PPP1R37: variants seen among roughly 807,000 people sequenced by gnomAD.
PPP1R37 encodes the protein protein phosphatase 1 regulatory subunit 37.
PPP1R37 carries 21 observed loss-of-function variants against 61.0 expected under a neutral mutation model. The observed-to-expected ratio is 0.34, with a 90% CI of 0.24 to 0.50. The LOEUF is 0.50. PPP1R37 is among the 20% of genes least tolerant of loss of function. The pLI is 0.98. For missense variants in PPP1R37, 910 were observed against 952.7 expected (o/e 0.96, Z 0.59); for synonymous variants, 443 against 433.5 (o/e 1.02, Z -0.27).
At chr19:45,123,959 G>T (rs1202686556) in intron 1 of PPP1R37, among the ~76,000 whole-genome samples, 1 of 152,012 alleles carries the variant, frequency 6.6e-6, no homozygotes, top group African/African-American at 2.4e-5. Context: ...GTGGCCAGAT[G>T]TGAGCTTCTC....
At chr19:45,103,257 A>C (rs1487316258) in intron 1 of PPP1R37, among the ~76,000 whole-genome samples, 1 of 152,100 alleles carries the variant, frequency 6.6e-6, no homozygotes, top group Non-Finnish European at 1.5e-5. Context: ...GTGGGGGTGG[A>C]GGTTTGGAAG....
chr19:45,128,554 C>A (rs564282261), intron 1 of PPP1R37: 10 of 1,233,730 alleles, frequency 8.1e-6, no homozygotes, highest in Admixed American at 1.8e-5. Context: ...GAGCTGGAAT[C>A]GAAGCCTCTT....
At chr19:45,134,502 A>G (rs1968515017) in intron 1 of PPP1R37, among the ~76,000 whole-genome samples, 1 of 150,260 alleles carries the variant, frequency 6.7e-6, no homozygotes, top group Non-Finnish European at 1.5e-5. Flanking sequence ...ATTTGAATAC[A>G]TTTGGCCTCA....
chr19:45,111,297 CAG>C (rs1206399386), intron 1 of PPP1R37, among the ~76,000 whole-genome samples: 4 of 151,632 alleles, frequency 2.6e-5, no homozygotes, highest in Non-Finnish European at 5.9e-5. Flanking sequence ...TTAATTGAGA[CAG>C]AGTCTTACTC....
chr19:45,132,298 T>TA (rs761434766), intron 1 of PPP1R37, among the ~76,000 whole-genome samples: 3 of 152,026 alleles, frequency 2.0e-5, no homozygotes, highest in African/African-American at 4.8e-5. Flanking sequence ...AAGGAGCAGT[T>TA]ACGTATTTTT....
intron 1 of PPP1R37, among the ~76,000 whole-genome samples, chr19:45,112,410 C>T (rs1409275466): frequency 7.5e-6 from 1 of 133,464 alleles, no homozygotes; most frequent in Non-Finnish European, 1.7e-5. Context: ...CATTTGGCTT[C>T]TCAAGGTAAT....
At chr19:45,132,227 A>G (rs1185546986) in intron 1 of PPP1R37, among the ~76,000 whole-genome samples, 1 of 152,080 alleles carries the variant, frequency 6.6e-6, no homozygotes, top group Non-Finnish European at 1.5e-5. Context: ...CCACCCCCAC[A>G]TACTTGTGTG....
rs983865654 is a variant in PPP1R37, at chr19:45,145,413, C to T, written c.1357C>T (p.Arg453Cys). 21 of 1,535,298 alleles carry T rather than the reference C, an allele frequency of 1.4e-5. 1 individual carries two copies. The highest frequency in any genetic ancestry group is 4.9e-5 in the East Asian group (2 of 40,900). ...LLAEIQNGCK[R>C]NLVLAREREE... is the part of the protein sequence containing the mutation. ...GGCCGAGATCCAGAACGGCTGCAAG[C>T]GCAACTTGGTGCTGGCGCGGGAGAG... The change falls in exon 11 of 13, where the codon CGC becomes TGC. Residue 453 changes from arginine to cysteine, a missense_variant. This residue lies in a region of PPP1R37 where 549 missense variants were observed against 505.1 expected (regional missense o/e 1.09). Coordinates refer to ENST00000221462, the MANE Select transcript of PPP1R37 (RefSeq NM_019121.2).
At chr19:45,120,646 G>T (rs1968330619) in intron 1 of PPP1R37, among the ~76,000 whole-genome samples, 1 of 151,698 alleles carries the variant, frequency 6.6e-6, no homozygotes, top group African/African-American at 2.4e-5. Context: ...ACTTTTTTTT[G>T]AGATGGAGTC....
chr19:45,097,269 A>T (rs992775308), intron 1 of PPP1R37, among the ~76,000 whole-genome samples: 1 of 151,798 alleles, frequency 6.6e-6, no homozygotes, highest in Non-Finnish European at 1.5e-5. Flanking sequence ...CTGTGGATCT[A>T]GTGGAAGGGT....
Position 45,093,371 on chromosome 19 carries a change from G to A in PPP1R37, c.46G>A (p.Gly16Ser). ...QEAPPVPGAD[G>S]DIEEAPAEAG... ...GGCGCCGCCCGTGCCGGGCGCGGACGGCGACATTGAAGAGGCCCCAGCTGA... is the reference window on the plus strand; with the variant it reads ...GGCGCCGCCCGTGCCGGGCGCGGACAGCGACATTGAAGAGGCCCCAGCTGA... Residue 16 changes from glycine to serine, a missense_variant, in exon 1 of 13, where the codon GGC (glycine) becomes AGC (serine). Gly to Ser is a moderately conservative substitution (Grantham distance 56). Around this residue, in one of 3 missense-constraint regions of PPP1R37, gnomAD observed 81 missense variants for 65.4 expected, o/e 1.24. Coordinates refer to ENST00000221462, the MANE Select transcript of PPP1R37 (RefSeq NM_019121.2). 6.6e-7 allele frequency: 1 copy of A among 1,512,618 alleles called. No homozygotes were observed. Among genetic ancestry groups the A allele is most frequent in the Non-Finnish European group, 8.8e-7 (1 of 1,133,474 alleles). The allele number at this position is 1,512,618 out of a possible 1,614,324, so 93.7% of individuals were successfully genotyped here.
At chr19:45,093,816 G>A (rs1967956273) in intron 1 of PPP1R37, among the ~76,000 whole-genome samples, 3 of 152,240 alleles carry the variant, frequency 2.0e-5, no homozygotes, top group Admixed American at 2.0e-4. Flanking sequence ...TTTGTCAGAT[G>A]TAGAGTGTGG....
rs1164965321 is a variant in PPP1R37, at chr19:45,140,266, T to C, written c.331T>C (p.Cys111Arg). ...CACAGACCTCGGGCACCGCCTCGAC[T>C]GTCTGGACCTGAAAGGTGTGTGTCT... ...EFTDLGHRLD[C>R]LDLKGEKLDY... is the part of the protein sequence containing the mutation. The change falls in exon 3 of 13, where the codon TGT becomes CGT. Residue 111 changes from cysteine (C) to arginine (R), a missense_variant. Around this residue, in one of 3 missense-constraint regions of PPP1R37, gnomAD observed 280 missense variants for 382.2 expected, o/e 0.73. Coordinates refer to ENST00000221462, the MANE Select transcript of PPP1R37 (RefSeq NM_019121.2). The C allele has an allele frequency of 6.5e-7, 1 of 1,536,100 alleles. No individual in the cohort carries two copies. Among genetic ancestry groups the C allele is most frequent in the South Asian group, 1.2e-5 (1 of 84,070 alleles).
At chr19:45,100,451 G>A (rs530983410) in intron 1 of PPP1R37, among the ~76,000 whole-genome samples, 20 of 152,054 alleles carry the variant, frequency 1.3e-4, no homozygotes, top group Non-Finnish European at 2.4e-4. Flanking sequence ...GTGTATTATC[G>A]CATTTAGATA....
At chr19:45,128,953 G>T (rs1467267225) in intron 1 of PPP1R37, 1 of 761,206 alleles carries the variant, frequency 1.3e-6, no homozygotes, top group African/African-American at 1.7e-5. Flanking sequence ...AAGTACCGCT[G>T]TGGAGAAGGG....
intron 5 of PPP1R37, 80 bp from the exon 6 acceptor site, chr19:45,141,981 G>C: frequency 9.4e-7 from 1 of 1,059,408 alleles, no homozygotes; most frequent in Non-Finnish European, 1.3e-6. Flanking sequence ...GGGCCAGGGA[G>C]TGCTGGGGCG....
intron 2 of PPP1R37, 86 bp downstream of exon 2, chr19:45,138,697 C>T: frequency 1.2e-6 from 1 of 819,726 alleles, no homozygotes. Context: ...GAGGGCCTCC[C>T]ACTCCCCAGC....
intron 1 of PPP1R37, among the ~76,000 whole-genome samples, chr19:45,099,758 C>T (rs916413785): frequency 2.0e-5 from 3 of 152,222 alleles, no homozygotes; most frequent in Non-Finnish European, 2.9e-5. Flanking sequence ...GACACATGTC[C>T]GAAGGACTGG....
At chr19:45,113,228 GA>G (rs1277464960) in intron 1 of PPP1R37, among the ~76,000 whole-genome samples, 2 of 152,188 alleles carry the variant, frequency 1.3e-5, no homozygotes, top group Non-Finnish European at 2.9e-5. Flanking sequence ...ATTACCCTTA[GA>G]AAAAAAGTAG....
Sources: gnomAD v4.1 joint callset for allele counts (sites outside exome capture counted in the v4.1 genomes callset) on GRCh38, gnomAD v4.1.1 for gene constraint, gnomAD v4.1.1 regional missense constraint, MANE v1.5 for transcripts, NCBI Gene and HGNC (gene_info 2026-07-23, HGNC 2026-07-21) for gene names.